The following DLGAP1 variants were observed in gnomAD, a reference collection of about 807,000 sequenced individuals.
DLGAP1 encodes disks large-associated protein 1.
DLGAP1 carries 11 observed loss-of-function variants against 90.8 expected under a neutral mutation model. That is an observed-to-expected ratio of 0.12 (90% confidence interval 0.08 to 0.20). DLGAP1 has a LOEUF of 0.20. DLGAP1 is among the 10% of genes least tolerant of loss of function. The pLI is 1.00. For missense variants in DLGAP1, 1,050 were observed against 1,333.8 expected (o/e 0.79, Z 3.31); for synonymous variants, 558 against 540.7 (o/e 1.03, Z -0.44).
At chr18:4,096,859 AC>A (rs200213482) in intron 2 of DLGAP1, among the ~76,000 whole-genome samples, 5,388 of 152,272 alleles carry the variant, frequency 0.035, 350 homozygotes, top group African/African-American at 0.12. Flanking sequence ...ATTTCAGTTT[AC>A]CTAACTATAA....
intron 1 of DLGAP1, among the ~76,000 whole-genome samples, chr18:4,157,096 G>C (rs553475840): frequency 6.6e-6 from 1 of 151,922 alleles, no homozygotes; most frequent in African/African-American, 2.4e-5. Flanking sequence ...AAACTAGACG[G>C]GGACATGTCT....
At chr18:4,428,978 T>G (rs71358052) in intron 1 of DLGAP1, among the ~76,000 whole-genome samples, 20,632 of 152,140 alleles carry the variant, frequency 0.14, 1,635 homozygotes, top group Middle Eastern at 0.2. Context: ...ACGTCACTAG[T>G]GTCAGGAAAT....
At chr18:3,518,293 G>A (rs531060006) in intron 10 of DLGAP1, among the ~76,000 whole-genome samples, 2 of 152,280 alleles carry the variant, frequency 1.3e-5, no homozygotes, top group Non-Finnish European at 2.9e-5. Context: ...TATTGATTAA[G>A]TTCACAGTCT....
intron 7 of DLGAP1, among the ~76,000 whole-genome samples, chr18:3,726,362 T>C (rs1397164582): frequency 6.6e-6 from 1 of 152,004 alleles, no homozygotes; most frequent in African/African-American, 2.4e-5. Context: ...CTTGATTCAA[T>C]GTAAAAAGGA....
At chr18:3,771,705 C>G (rs1391897781) in intron 5 of DLGAP1, among the ~76,000 whole-genome samples, 1 of 152,200 alleles carries the variant, frequency 6.6e-6, no homozygotes, top group Non-Finnish European at 1.5e-5. Flanking sequence ...GCCTGGATTG[C>G]TGTTATCTTC....
intron 3 of DLGAP1, among the ~76,000 whole-genome samples, chr18:3,907,062 C>A (rs1386212222): frequency 2.6e-5 from 4 of 152,056 alleles, no homozygotes; most frequent in Admixed American, 1.3e-4. Context: ...GGAGGATATG[C>A]ATATGCAATT....
chr18:4,368,322 T>C (rs2081825792), intron 1 of DLGAP1, among the ~76,000 whole-genome samples: 1 of 152,232 alleles, frequency 6.6e-6, no homozygotes, highest in Non-Finnish European at 1.5e-5. Flanking sequence ...AGTAAGCAGA[T>C]ATTTTATTTA....
At chr18:4,258,020 C>T (rs942129987) in intron 1 of DLGAP1, among the ~76,000 whole-genome samples, 47 of 146,692 alleles carry the variant, frequency 3.2e-4, no homozygotes, top group Non-Finnish European at 5.2e-4. Flanking sequence ...TGCGCGCGCG[C>T]GCGTATAACC....
At chr18:3,915,613 T>G (rs1444332511) in intron 3 of DLGAP1, among the ~76,000 whole-genome samples, 4 of 152,194 alleles carry the variant, frequency 2.6e-5, no homozygotes, top group Non-Finnish European at 5.9e-5. Flanking sequence ...TAAGATCAAT[T>G]AAATCTTTGC....
chr18:3,543,178 T>G (rs1340160256), intron 9 of DLGAP1, among the ~76,000 whole-genome samples: 7 of 100,856 alleles, frequency 6.9e-5, no homozygotes, highest in Non-Finnish European at 1.5e-4. Flanking sequence ...TTTTTTTTTT[T>G]TTTTTTTTTT....
At chr18:3,938,603 G>A (rs1027398895) in intron 3 of DLGAP1, among the ~76,000 whole-genome samples, 2 of 152,188 alleles carry the variant, frequency 1.3e-5, no homozygotes, top group African/African-American at 4.8e-5. Context: ...TACCCCAGGT[G>A]CCCAGGAGAA....
chr18:3,602,122 G>C (rs2057072474), intron 7 of DLGAP1, among the ~76,000 whole-genome samples: 1 of 152,192 alleles, frequency 6.6e-6, no homozygotes, highest in African/African-American at 2.4e-5. Context: ...GCGCAGCTTT[G>C]ATGCTGCCCA....
chr18:4,285,751 T>A (rs1291049320), intron 1 of DLGAP1, among the ~76,000 whole-genome samples: 1 of 152,136 alleles, frequency 6.6e-6, no homozygotes, highest in African/African-American at 2.4e-5. Context: ...TTTGAACACT[T>A]AGCAGTCCAT....
chr18:4,242,181 C>G (rs2078550484), intron 1 of DLGAP1, among the ~76,000 whole-genome samples: 1 of 152,108 alleles, frequency 6.6e-6, no homozygotes, highest in South Asian at 2.1e-4. Context: ...CAATAAAATA[C>G]ACTCCATTTC....
At chr18:4,325,801 C>T (rs1236880519) in intron 1 of DLGAP1, among the ~76,000 whole-genome samples, 1 of 152,100 alleles carries the variant, frequency 6.6e-6, no homozygotes, top group East Asian at 1.9e-4. Flanking sequence ...GGATAACTGG[C>T]TAGCCATATG....
chr18:3,546,507 G>C (rs2053029604), intron 9 of DLGAP1, among the ~76,000 whole-genome samples: 1 of 150,996 alleles, frequency 6.6e-6, no homozygotes, highest in Non-Finnish European at 1.5e-5. Context: ...CAAAAAACAA[G>C]TTTCGATAAA....
chr18:3,810,245 T>A (rs533368050), intron 5 of DLGAP1, among the ~76,000 whole-genome samples: 5 of 152,158 alleles, frequency 3.3e-5, no homozygotes, highest in African/African-American at 1.2e-4. Context: ...CACCAGAATG[T>A]TTAACTGACC....
At chr18:4,185,449 G>A (rs529068561) in intron 1 of DLGAP1, among the ~76,000 whole-genome samples, 281 of 151,798 alleles carry the variant, frequency 1.9e-3, no homozygotes, top group Non-Finnish European at 2.7e-3. Context: ...TCTTTCATTC[G>A]CCTCTGTATT....
chr18:4,109,380 C>CA (rs1941948683), intron 2 of DLGAP1, among the ~76,000 whole-genome samples: 2 of 152,116 alleles, frequency 1.3e-5, no homozygotes, highest in African/African-American at 4.8e-5. Flanking sequence ...CACCCACACT[C>CA]AAAAGGAGGG....
Sources: allele counts gnomAD v4.1 joint callset (sites outside exome capture counted in the v4.1 genomes callset), GRCh38; gene constraint gnomAD v4.1.1; transcripts MANE v1.5; gene names NCBI Gene and HGNC (gene_info 2026-07-23, HGNC 2026-07-21).